RIT2: variants seen among roughly 807,000 people sequenced by gnomAD.
The protein encoded by RIT2 is Ras like without CAAX 2.
In RIT2, 24 loss-of-function variants were observed where a neutral mutation model predicts 23.7. The ratio of observed to expected loss-of-function variants is 1.01; its 90% confidence interval spans 0.73 to 1.43. RIT2 has a LOEUF of 1.43. Among genes scored for constraint, RIT2 ranks in the 40% most tolerant of loss-of-function variants. RIT2 has a pLI of 0.00. For missense variants in RIT2, 236 were observed against 266.9 expected (o/e 0.88, Z 0.81); for synonymous variants, 107 against 91.1 (o/e 1.17, Z -0.99).
intron 1 of RIT2, among the ~76,000 whole-genome samples, chr18:43,105,670 C>T (rs1390453015): frequency 2.0e-5 from 3 of 152,094 alleles, no homozygotes; most frequent in African/African-American, 7.2e-5. Context: ...GCTTAAGTGA[C>T]CTGTGCAACG....
intron 4 of RIT2, among the ~76,000 whole-genome samples, chr18:42,832,372 T>G (rs1906482622): frequency 6.6e-6 from 1 of 152,296 alleles, no homozygotes; most frequent in African/African-American, 2.4e-5. Context: ...TGAAATAAAC[T>G]TATATAGGCC....
At chr18:42,858,479 T>G (rs684446) in intron 4 of RIT2, among the ~76,000 whole-genome samples, 37,459 of 151,992 alleles carry the variant, frequency 0.25, 5,765 homozygotes, top group African/African-American at 0.42. Context: ...AGTGCAGCGT[T>G]AATGCCACAA....
At chr18:42,955,073 C>T (rs1350563516) in intron 3 of RIT2, among the ~76,000 whole-genome samples, 1 of 152,072 alleles carries the variant, frequency 6.6e-6, no homozygotes, top group Admixed American at 6.6e-5. Flanking sequence ...CACATGAGGT[C>T]ATTTTATAAT....
intron 4 of RIT2, among the ~76,000 whole-genome samples, chr18:42,753,240 C>A (rs1913088417): frequency 6.6e-6 from 1 of 152,290 alleles, no homozygotes; most frequent in South Asian, 2.1e-4. Flanking sequence ...TAGCTCTCTG[C>A]ATATTTTTAT....
chr18:42,764,701 T>C (rs929589007), intron 4 of RIT2, among the ~76,000 whole-genome samples: 13 of 152,240 alleles, frequency 8.5e-5, no homozygotes, highest in African/African-American at 2.4e-4. Flanking sequence ...TACAGCAGAG[T>C]TTTAATAAAT....
intron 4 of RIT2, among the ~76,000 whole-genome samples, chr18:42,866,559 G>C (rs1907474966): frequency 6.6e-6 from 1 of 151,054 alleles, no homozygotes; most frequent in East Asian, 1.9e-4. Context: ...TTTTCCATGT[G>C]CTAGGTCTTA....
chr18:42,953,377 G>GA (rs1449139699), intron 3 of RIT2, among the ~76,000 whole-genome samples: 5 of 152,012 alleles, frequency 3.3e-5, no homozygotes, highest in African/African-American at 1.2e-4. Flanking sequence ...ATACTTGATG[G>GA]AAAAAATGAG....
At chr18:43,009,569 A>G (rs1911304258) in intron 2 of RIT2, among the ~76,000 whole-genome samples, 1 of 151,678 alleles carries the variant, frequency 6.6e-6, no homozygotes, top group Non-Finnish European at 1.5e-5. Context: ...TATTTTCACA[A>G]CCCGTCCCCT....
intron 1 of RIT2, among the ~76,000 whole-genome samples, chr18:43,042,804 C>T (rs1167457287): frequency 1.3e-5 from 2 of 152,108 alleles, no homozygotes; most frequent in Admixed American, 1.3e-4. Context: ...CACACATTTG[C>T]TTACACAGTA....
At chr18:43,095,332 A>C (rs1431202349) in intron 1 of RIT2, among the ~76,000 whole-genome samples, 1 of 151,850 alleles carries the variant, frequency 6.6e-6, no homozygotes, top group Non-Finnish European at 1.5e-5. Flanking sequence ...GCATTTTTCC[A>C]TGTGTCTGTT....
Position 43,019,841 on chromosome 18 carries a change from T to C in RIT2, c.160+13970A>G, listed in dbSNP as rs111355867. Among the ~76,000 whole-genome samples, 890 of 152,088 alleles carry C rather than the reference T, an allele frequency of 5.9e-3. 12 individuals carry two copies. The highest frequency in any genetic ancestry group is 0.02 in the African/African-American group (848 of 41,514). On this transcript the variant is annotated intron_variant, in intron 2 of 4. Transcript: ENST00000326695. Reference sequence around the variant, plus strand: ...CTGATAAATGTATTCAGTAAAGTTGTAGAATATAAAATCAACATACAAAAA... The same window carrying C: ...CTGATAAATGTATTCAGTAAAGTTGCAGAATATAAAATCAACATACAAAAA...
chr18:42,830,185 T>C lies in RIT2; in HGVS notation c.427-86465A>G, dbSNP rs560665008. On this transcript the variant is annotated intron_variant, in intron 4 of 4. Transcript: ENST00000326695. ...CAGCTGTACACACTGAACTATCACTTCTTTCAAGGTCAGGCTCATAAAGCC... is the reference window on the plus strand; with the variant it reads ...CAGCTGTACACACTGAACTATCACTCCTTTCAAGGTCAGGCTCATAAAGCC... Among the ~76,000 whole-genome samples the C allele has an allele frequency of 2.6e-5, 4 of 152,302 alleles. No individual in the cohort carries two copies. In the South Asian group the frequency reaches 8.3e-4, roughly 32 times the overall value.
intron 4 of RIT2, among the ~76,000 whole-genome samples, chr18:42,842,894 T>C (rs1421408255): frequency 2.6e-5 from 4 of 152,126 alleles, no homozygotes; most frequent in Non-Finnish European, 5.9e-5. Context: ...TAGAAAATAA[T>C]CTCTTCCAAA....
intron 4 of RIT2, among the ~76,000 whole-genome samples, chr18:42,775,387 A>G (rs1017938407): frequency 6.6e-6 from 1 of 152,180 alleles, no homozygotes; most frequent in Admixed American, 6.5e-5. Flanking sequence ...GAAATATTTT[A>G]GGTACCACAT....
chr18:42,830,155 C>G (rs1906415365), intron 4 of RIT2, among the ~76,000 whole-genome samples: 1 of 152,184 alleles, frequency 6.6e-6, no homozygotes, highest in Non-Finnish European at 1.5e-5. Context: ...GAGACCATAA[C>G]TAGCCAGCTG....
At chr18:42,962,539 G>A (rs1910116659) in intron 3 of RIT2, among the ~76,000 whole-genome samples, 1 of 152,156 alleles carries the variant, frequency 6.6e-6, no homozygotes, top group South Asian at 2.1e-4. Flanking sequence ...ACTAACAGAC[G>A]TGTGTTTAGG....
intron 4 of RIT2, among the ~76,000 whole-genome samples, chr18:42,776,467 A>G (rs1913675030): frequency 6.6e-6 from 1 of 151,960 alleles, no homozygotes. Flanking sequence ...AAATGCATGC[A>G]CTCTGTGTTC....
chr18:42,825,566 AC>A (rs1221252826), intron 4 of RIT2, among the ~76,000 whole-genome samples: 3 of 151,900 alleles, frequency 2.0e-5, no homozygotes, highest in Admixed American at 6.6e-5. Context: ...AAACTATAGC[AC>A]AATTTTACTT....
intron 4 of RIT2, among the ~76,000 whole-genome samples, chr18:42,893,154 G>A (rs909372820): frequency 6.8e-6 from 1 of 147,340 alleles, no homozygotes; most frequent in Non-Finnish European, 1.5e-5. Flanking sequence ...CTTAAACCCA[G>A]AAGGCAGAAG....
Sources: gnomAD v4.1 joint callset for allele counts (sites outside exome capture counted in the v4.1 genomes callset) on GRCh38, gnomAD v4.1.1 for gene constraint, MANE v1.5 for transcripts, NCBI Gene and HGNC (gene_info 2026-07-23, HGNC 2026-07-21) for gene names.